REEP6: variants seen among roughly 807,000 people sequenced by gnomAD.
The protein encoded by REEP6 is receptor accessory protein 6.
A neutral mutation model predicts 22.4 loss-of-function variants in REEP6; 19 were observed. That is an observed-to-expected ratio of 0.85 (90% CI 0.59 to 1.25). The LOEUF is 1.25. REEP6 is among the 50% of genes most tolerant of loss of function. The pLI is 0.00. For missense variants in REEP6, 273 were observed against 251.9 expected (o/e 1.08, Z -0.57); for synonymous variants, 121 against 113.6 (o/e 1.06, Z -0.41).
intron 4 of REEP6, among the ~76,000 whole-genome samples, chr19:1,496,880 ATG>A (rs201505793): frequency 5.2e-4 from 79 of 151,574 alleles, no homozygotes; most frequent in Admixed American, 2.6e-3. Flanking sequence ...ACGTGTGCAT[ATG>A]TGTGTGTGTG....
chr19:1,496,507 G>T, intron 4 of REEP6, 54 bp downstream of exon 4: 1 of 1,587,716 alleles, frequency 6.3e-7, no homozygotes, highest in Non-Finnish European at 8.6e-7. Flanking sequence ...GTCTGGACCT[G>T]TCTCTCTCCA....
At chr19:1,492,056 C>T (rs2084956931) in intron 1 of REEP6, among the ~76,000 whole-genome samples, 1 of 152,226 alleles carries the variant, frequency 6.6e-6, no homozygotes, top group Non-Finnish European at 1.5e-5. Context: ...CGCCCCTTCC[C>T]CTTTCCAAAT....
chr19:1,494,583 A>T (rs900566304), intron 1 of REEP6, among the ~76,000 whole-genome samples: 6 of 152,220 alleles, frequency 3.9e-5, no homozygotes, highest in Admixed American at 2.6e-4. Context: ...TCAAGTCTTC[A>T]TGACAGCCTG....
rs1357515616 is a variant in REEP6, at chr19:1,497,858, C to T, written c.*647C>T. The T allele has an allele frequency of 4.3e-6, 2 of 469,828 alleles. No individual in the cohort carries two copies. Among genetic ancestry groups the T allele is most frequent in the Non-Finnish European group, 8.8e-6 (2 of 226,402 alleles). 29.1% of individuals were successfully genotyped at this position (469,828 alleles called of 1,614,324 possible). On this transcript the variant is annotated 3_prime_UTR_variant, in exon 5 of 5. Coordinates refer to ENST00000233596, the MANE Select transcript of REEP6 (RefSeq NM_138393.4). This position sits in a 1 kb window ranked among gnomAD's most constrained non-coding sequence, Gnocchi z 6.5. ...GCTGGCCACACCACAGGCCCCCGTG[C>T]CTGCAGCACTACTGGTGCCTGAAAC...
rs774398297 is a variant in REEP6 at position 1,497,261 on chromosome 19, C to T, written c.*50C>T. ...ACCTCCTGGCTGGTGAGGAGGGGGC[C>T]GCGCCAGGCTCCCAGGCCTCCACAG... On this transcript the variant is annotated 3_prime_UTR_variant, in exon 5 of 5. Coordinates refer to ENST00000233596, the MANE Select transcript of REEP6 (RefSeq NM_138393.4). This position sits in a 1 kb window ranked among gnomAD's most constrained non-coding sequence, Gnocchi z 6.5. The T allele has an allele frequency of 4.0e-5, 60 of 1,502,790 alleles. No individual in the cohort carries two copies. The highest frequency in any genetic ancestry group is 7.3e-5 in the East Asian group (3 of 41,356). The allele number at this position is 1,502,790 out of a possible 1,614,324, so 93.1% of individuals were successfully genotyped here.
Position 1,497,763 on chromosome 19 carries a change from G to A in REEP6, c.*552G>A, listed in dbSNP as rs112208222. 24,294 of 470,584 alleles carry A rather than the reference G, an allele frequency of 0.052. 794 individuals carry two copies. Among genetic ancestry groups the A allele is most frequent in the African/African-American group, 0.11 (5,573 of 50,098 alleles). 29.2% of individuals were successfully genotyped at this position (470,584 alleles called of 1,614,324 possible). On this transcript the variant is annotated 3_prime_UTR_variant, in exon 5 of 5. Transcript: ENST00000233596. This position sits in a 1 kb window ranked among gnomAD's most constrained non-coding sequence, Gnocchi z 6.5. ...GCCTGCCAGCAGCGCCTCAGTGCCC[G>A]AGCTGGTCCCCTGCCATTCCGGGAC...
intron 4 of REEP6, chr19:1,496,752 G>A: frequency 1.6e-6 from 1 of 637,042 alleles, no homozygotes; most frequent in East Asian, 3.0e-5. Flanking sequence ...GCGTATGTTT[G>A]CTGTGTGCAC....
intron 1 of REEP6, among the ~76,000 whole-genome samples, chr19:1,492,134 A>T (rs2084959756): frequency 6.6e-6 from 1 of 152,076 alleles, no homozygotes; most frequent in Admixed American, 6.5e-5. Context: ...CTTTTTTTTG[A>T]GACCGAGTCT....
chr19:1,493,708 G>GAC (rs55971424), intron 1 of REEP6, among the ~76,000 whole-genome samples: 36 of 140,760 alleles, frequency 2.6e-4, no homozygotes, highest in South Asian at 1.9e-3. Flanking sequence ...GGCTGAGCTG[G>GAC]ACACACACAC....
At chr19:1,492,166 G>T (rs1247450674) in intron 1 of REEP6, among the ~76,000 whole-genome samples, 3 of 152,138 alleles carry the variant, frequency 2.0e-5, no homozygotes, top group Admixed American at 2.0e-4. Flanking sequence ...CCAGGCTGGA[G>T]TGCAGTGGTG....
chr19:1,491,788 G>C lies in REEP6; in HGVS notation c.115+404G>C, dbSNP rs1259589660. Among the ~76,000 whole-genome samples the C allele has an allele frequency of 6.6e-6, 1 of 152,178 alleles. No individual in the cohort carries two copies. The highest frequency in any genetic ancestry group is 1.5e-5 in the Non-Finnish European group (1 of 68,026). ...CCGTTTTTCTGAGGGGAGGCTCCTGGCGGGAAGGGGAACGGACCGTCCTGG... is the reference window on the plus strand; with the variant it reads ...CCGTTTTTCTGAGGGGAGGCTCCTGCCGGGAAGGGGAACGGACCGTCCTGG... On this transcript the variant is annotated intron_variant, in intron 1 of 4. Transcript: ENST00000233596. The surrounding 1 kb of genome is among the most constrained non-coding windows in gnomAD (Gnocchi z 5.4).
rs928176010 is a variant in REEP6 at position 1,491,654 on chromosome 19, C to T, written c.115+270C>T. Among the ~76,000 whole-genome samples the T allele has an allele frequency of 2.6e-5, 4 of 152,382 alleles. No individual in the cohort carries two copies. Among genetic ancestry groups the T allele is most frequent in the African/African-American group, 7.2e-5 (3 of 41,590 alleles). On this transcript the variant is annotated intron_variant, in intron 1 of 4. Transcript: ENST00000233596. The surrounding 1 kb of genome is among the most constrained non-coding windows in gnomAD (Gnocchi z 5.4). ...GTGCCTGCCATGCCGAAGTCCGGTT[C>T]TTCCAGTTGCCCAGTGGCCCCAGAG...
rs767208688 is a variant in REEP6, at chr19:1,497,525, G to A, written c.*314G>A. On this transcript the variant is annotated 3_prime_UTR_variant, in exon 5 of 5. Coordinates refer to ENST00000233596, the MANE Select transcript of REEP6 (RefSeq NM_138393.4). This position sits in a 1 kb window ranked among gnomAD's most constrained non-coding sequence, Gnocchi z 6.5. ...CCCACTGGTCTCGGCAACACACCCA[G>A]CCGCCTGGTACTTCCTCCAGCCCCT... 111 of 646,680 alleles carry A rather than the reference G, an allele frequency of 1.7e-4. No individual in the cohort carries two copies. Among genetic ancestry groups the A allele is most frequent in the Admixed American group, 1.7e-4 (8 of 47,554 alleles). 40.1% of individuals were successfully genotyped at this position (646,680 alleles called of 1,614,324 possible).
intron 1 of REEP6, among the ~76,000 whole-genome samples, chr19:1,494,754 G>A (rs1253125111): frequency 6.6e-6 from 1 of 151,854 alleles, no homozygotes; most frequent in African/African-American, 2.4e-5. Flanking sequence ...GCGCGATCTT[G>A]GCTCACTGCA....
At chr19:1,496,968 G>A (rs953867264) in intron 4 of REEP6, among the ~76,000 whole-genome samples, 1 of 152,176 alleles carries the variant, frequency 6.6e-6, no homozygotes, top group African/African-American at 2.4e-5. Flanking sequence ...GTGCATGACT[G>A]CACATGCGTG....
chr19:1,496,153 C>T, intron 3 of REEP6, 132 bp from the exon 4 acceptor site: 1 of 1,159,998 alleles, frequency 8.6e-7, no homozygotes, highest in Non-Finnish European at 1.2e-6. Flanking sequence ...GCGGGCCCAC[C>T]CTAAAGGGTG....
Position 1,496,418 on chromosome 19 carries a change from G to C in REEP6, c.482G>C (p.Arg161Pro). 3 of 1,613,008 alleles carry C rather than the reference G, an allele frequency of 1.9e-6. No homozygotes were observed. Among genetic ancestry groups the C allele is most frequent in the Non-Finnish European group, 2.5e-6 (3 of 1,179,810 alleles). ...AGAATCATGAACGACCTCAGCGGGC[G>C]AGCCCTGGACGCGGCGGCCGGAATA... ...VDRIMNDLSG[R>P]ALDAAAGITR... The change falls in exon 4 of 5, where the codon CGA becomes CCA. Residue 161 changes from arginine (R) to proline (P), a missense_variant. Transcript: ENST00000233596.
At position 1,496,546 on chromosome 19, in the gene REEP6, C is replaced by T. The variant is rs1319668933; in HGVS notation, c.517+93C>T. Reference sequence around the variant, plus strand: ...TGCCTCCCTTTCTGACTTTGGCCGCCCCCTCTCACTGTCCGCCTCTCTCTC... The same window carrying T: ...TGCCTCCCTTTCTGACTTTGGCCGCTCCCTCTCACTGTCCGCCTCTCTCTC... On this transcript the variant is annotated intron_variant, in intron 4 of 4. Coordinates refer to ENST00000233596, the MANE Select transcript of REEP6 (RefSeq NM_138393.4). 4.3e-6 allele frequency: 6 copies of T among 1,406,954 alleles called. No individual in the cohort carries two copies. In the East Asian group the frequency reaches 1.5e-4, roughly 35 times the overall value. The allele number at this position is 1,406,954 out of a possible 1,614,324, so 87.2% of individuals were successfully genotyped here. A position where few individuals can be genotyped will look rare whatever the true frequency, so the allele number is the denominator to read the frequency against.
At chr19:1,496,891 T>C (rs961981369) in intron 4 of REEP6, among the ~76,000 whole-genome samples, 14 of 152,124 alleles carry the variant, frequency 9.2e-5, no homozygotes, top group Admixed American at 3.9e-4. Context: ...TGTGTGTGTG[T>C]GCCCACGTGT....
Sources: allele counts gnomAD v4.1 joint callset (sites outside exome capture counted in the v4.1 genomes callset), GRCh38; gene constraint gnomAD v4.1.1; non-coding constraint Gnocchi (gnomAD v3.1); transcripts MANE v1.5; gene names NCBI Gene and HGNC (gene_info 2026-07-23, HGNC 2026-07-21).